Variants in PICALM observed in about 807,000 individuals in gnomAD.
The protein encoded by PICALM is phosphatidylinositol-binding clathrin assembly protein.
In PICALM, 40 loss-of-function variants were observed where a neutral mutation model predicts 80.5. That is an observed-to-expected ratio of 0.50 (90% CI 0.39 to 0.65). The LOEUF is 0.65. Ranked by LOEUF, PICALM falls within the 30% of genes least tolerant of loss-of-function variation. The probability of loss-of-function intolerance (pLI) is 0.00; values close to 1 mark genes in which losing one functional copy is unlikely to be tolerated. For missense variants in PICALM, 676 were observed against 778.9 expected (o/e 0.87, Z 1.57); for synonymous variants, 288 against 260.3 (o/e 1.11, Z -1.02).
At chr11:86,058,914 A>G (rs1276297134) in intron 1 of PICALM, among the ~76,000 whole-genome samples, 2 of 152,242 alleles carry the variant, frequency 1.3e-5, no homozygotes, top group East Asian at 3.8e-4. Flanking sequence ...CCTAATTTCA[A>G]GAATATGTCC....
chr11:85,995,473 T>C (rs144842241), intron 12 of PICALM, among the ~76,000 whole-genome samples: 278 of 152,328 alleles, frequency 1.8e-3, no homozygotes, highest in African/African-American at 6.3e-3. Flanking sequence ...TATGTGACTT[T>C]AACAAGTTCA....
At chr11:86,042,072 C>G (rs1477124803) in intron 1 of PICALM, among the ~76,000 whole-genome samples, 1 of 152,058 alleles carries the variant, frequency 6.6e-6, no homozygotes, top group Admixed American at 6.6e-5. Flanking sequence ...GCATTCCTAC[C>G]ACTAGATGGC....
intron 1 of PICALM, 142 bp downstream of exon 1, chr11:86,068,509 C>G (rs2096479734): frequency 1.4e-6 from 1 of 732,892 alleles, no homozygotes; most frequent in Admixed American, 3.0e-5. Flanking sequence ...GAACACAGCT[C>G]AACGGGCACA....
At chr11:85,966,264 T>C (rs938319184) in intron 19 of PICALM, among the ~76,000 whole-genome samples, 1 of 151,972 alleles carries the variant, frequency 6.6e-6, no homozygotes, top group African/African-American at 2.4e-5. Flanking sequence ...TGGAGTACAG[T>C]GGTGTGATCA....
At chr11:85,991,782 A>G (rs958539551) in intron 12 of PICALM, among the ~76,000 whole-genome samples, 1 of 152,236 alleles carries the variant, frequency 6.6e-6, no homozygotes, top group African/African-American at 2.4e-5. Flanking sequence ...AAGAATCAGA[A>G]AACAGTAATT....
chr11:86,024,437 CCT>C (rs1565454890), intron 3 of PICALM, among the ~76,000 whole-genome samples: 1 of 134,800 alleles, frequency 7.4e-6, no homozygotes, highest in African/African-American at 2.7e-5. Flanking sequence ...AAAAAATTCC[CCT>C]GATCTTTTTT....
chr11:85,961,893 A>G (rs930448817), intron 19 of PICALM, among the ~76,000 whole-genome samples: 6 of 143,704 alleles, frequency 4.2e-5, no homozygotes, highest in Non-Finnish European at 9.2e-5. Context: ...TTATTTTCGG[A>G]AAAGCACTAC....
At chr11:86,004,096 G>A (rs2095222831) in intron 8 of PICALM, among the ~76,000 whole-genome samples, 1 of 152,094 alleles carries the variant, frequency 6.6e-6, no homozygotes, top group Non-Finnish European at 1.5e-5. Context: ...TTACCCCAAA[G>A]AGATAAAAAC....
chr11:86,024,851 C>T (rs2095624854), intron 3 of PICALM, among the ~76,000 whole-genome samples: 1 of 152,110 alleles, frequency 6.6e-6, no homozygotes, highest in Non-Finnish European at 1.5e-5. Context: ...TGTATTGTAC[C>T]TGTGCTTAAG....
intron 4 of PICALM, among the ~76,000 whole-genome samples, chr11:86,018,311 A>G (rs1199036315): frequency 1.3e-5 from 2 of 152,240 alleles, no homozygotes; most frequent in East Asian, 3.8e-4. Flanking sequence ...CTAATATAAA[A>G]TGAACACATA....
chr11:86,032,284 C>G (rs1052125826), intron 1 of PICALM, among the ~76,000 whole-genome samples: 1 of 152,066 alleles, frequency 6.6e-6, no homozygotes, highest in African/African-American at 2.4e-5. Context: ...AGAAGAGTAA[C>G]CTACAATCTG....
intron 12 of PICALM, among the ~76,000 whole-genome samples, chr11:85,992,826 T>G (rs900395937): frequency 2.6e-5 from 4 of 152,228 alleles, no homozygotes; most frequent in Non-Finnish European, 5.9e-5. Context: ...TAGCACCTAA[T>G]TTCAATCACT....
chr11:85,970,588 G>GC (rs1344558118), intron 19 of PICALM, among the ~76,000 whole-genome samples: 1 of 152,226 alleles, frequency 6.6e-6, no homozygotes, highest in Non-Finnish European at 1.5e-5. Flanking sequence ...GGCCCAGGAG[G>GC]GAGGATCACT....
At chr11:86,002,645 G>C (rs1285797905) in intron 9 of PICALM, among the ~76,000 whole-genome samples, 2 of 152,182 alleles carry the variant, frequency 1.3e-5, no homozygotes, top group Non-Finnish European at 2.9e-5. Context: ...GATATTCTAG[G>C]TTTGAGTCCC....
At chr11:86,006,182 T>A (rs528328067) in intron 8 of PICALM, among the ~76,000 whole-genome samples, 67 of 152,362 alleles carry the variant, frequency 4.4e-4, no homozygotes, top group African/African-American at 1.5e-3. Context: ...CAGAATCATG[T>A]GCTTGCTCTT....
chr11:86,013,499 A>C (rs2095432520), intron 5 of PICALM, among the ~76,000 whole-genome samples: 1 of 152,162 alleles, frequency 6.6e-6, no homozygotes, highest in Non-Finnish European at 1.5e-5. Flanking sequence ...ACACACACAC[A>C]CAGAGGGAGA....
At chr11:86,060,444 T>C (rs570260838) in intron 1 of PICALM, among the ~76,000 whole-genome samples, 166 of 152,342 alleles carry the variant, frequency 1.1e-3, no homozygotes, top group African/African-American at 3.8e-3. Flanking sequence ...AGTTGAATTA[T>C]CATTATCTGC....
intron 1 of PICALM, among the ~76,000 whole-genome samples, chr11:86,050,620 TGAA>T (rs1049768963): frequency 3.3e-5 from 5 of 152,132 alleles, no homozygotes; most frequent in African/African-American, 1.2e-4. Flanking sequence ...AGAATTAAAA[TGAA>T]GAGATAAAAA....
intron 11 of PICALM, among the ~76,000 whole-genome samples, chr11:85,998,853 G>C (rs922435161): frequency 1.8e-4 from 27 of 152,126 alleles, no homozygotes; most frequent in Non-Finnish European, 3.2e-4. Context: ...TGTACGGCTG[G>C]GCTCAGGCCT....
Sources: allele counts gnomAD v4.1 joint callset (sites outside exome capture counted in the v4.1 genomes callset), GRCh38; gene constraint gnomAD v4.1.1; transcripts MANE v1.5; gene names NCBI Gene and HGNC (gene_info 2026-07-23, HGNC 2026-07-21).